The following CDH13 variants were observed in gnomAD, a reference collection of about 807,000 sequenced individuals.
CDH13 encodes the protein cadherin-13.
CDH13 carries 24 observed loss-of-function variants against 63.8 expected under a neutral mutation model. The observed-to-expected ratio is 0.38, with a 90% CI of 0.27 to 0.53. The LOEUF is 0.53. CDH13 is among the 20% of genes least tolerant of loss of function. The pLI, the probability that CDH13 is intolerant of heterozygous loss-of-function variation, is 0.85. For missense variants in CDH13, 1,049 were observed against 903.1 expected (o/e 1.16, Z -2.07); for synonymous variants, 503 against 355.3 (o/e 1.42, Z -4.67).
chr16:83,033,856 G>A (rs796151591), intron 3 of CDH13, among the ~76,000 whole-genome samples: 4 of 152,212 alleles, frequency 2.6e-5, no homozygotes, highest in African/African-American at 9.6e-5. Flanking sequence ...CCCCTGCTTG[G>A]CATGCCTAGC....
At chr16:83,009,622 TTC>T (rs1447775038) in intron 2 of CDH13, among the ~76,000 whole-genome samples, 4 of 152,224 alleles carry the variant, frequency 2.6e-5, no homozygotes, top group African/African-American at 9.6e-5. Flanking sequence ...AAAGCCAATA[TTC>T]TCTCTGCATA....
chr16:83,673,264 C>G (rs763698919), intron 9 of CDH13, among the ~76,000 whole-genome samples: 1 of 152,174 alleles, frequency 6.6e-6, no homozygotes, highest in Admixed American at 6.5e-5. Context: ...TACATACATT[C>G]GTTCATCGGA....
At chr16:82,994,395 A>AC (rs1352635887) in intron 2 of CDH13, among the ~76,000 whole-genome samples, 7 of 151,928 alleles carry the variant, frequency 4.6e-5, no homozygotes, top group Admixed American at 1.3e-4. Context: ...GGTGCCTGAG[A>AC]CCCCCTACCT....
chr16:83,380,253 G>C (rs2091538423), intron 6 of CDH13, among the ~76,000 whole-genome samples: 1 of 151,964 alleles, frequency 6.6e-6, no homozygotes, highest in African/African-American at 2.4e-5. Context: ...ATGTGACAAA[G>C]TGTTACCAGT....
intron 2 of CDH13, among the ~76,000 whole-genome samples, chr16:82,930,187 G>C (rs113242722): frequency 2.0e-5 from 3 of 151,936 alleles, no homozygotes; most frequent in African/African-American, 7.2e-5. Flanking sequence ...CAGTTGGCTA[G>C]GCTGGTCTCG....
chr16:83,373,952 TTACTCAACCACCACC>T (rs2091417584), intron 6 of CDH13, among the ~76,000 whole-genome samples: 1 of 152,158 alleles, frequency 6.6e-6, no homozygotes, highest in South Asian at 2.1e-4. Flanking sequence ...CATGCTGACC[TTACTCAACCACCACC>T]TTCTGATCTC....
At chr16:82,849,207 A>G (rs556618578) in intron 1 of CDH13, among the ~76,000 whole-genome samples, 2 of 152,290 alleles carry the variant, frequency 1.3e-5, no homozygotes, top group South Asian at 2.1e-4. Context: ...CTATAACATA[A>G]AAGTGTCAGG....
intron 7 of CDH13, among the ~76,000 whole-genome samples, chr16:83,560,472 T>A (rs1214089671): frequency 1.3e-5 from 2 of 152,188 alleles, no homozygotes; most frequent in South Asian, 2.1e-4. Flanking sequence ...TCTAAAATGG[T>A]CAAACTCATG....
In CDH13 at chr16:83,046,664, T is replaced by C. The variant is rs867548242; in HGVS notation, c.366+14446T>C. Among the ~76,000 whole-genome samples the C allele has an allele frequency of 3.9e-5, 6 of 152,138 alleles. 1 individual carries two copies. Among genetic ancestry groups the C allele is most frequent in the African/African-American group, 7.2e-5 (3 of 41,420 alleles). On this transcript the variant is annotated intron_variant, in intron 3 of 13. Coordinates refer to ENST00000567109, the MANE Select transcript of CDH13 (RefSeq NM_001257.5). ...GTGCTTCCCTAGGGGAAGGAGTAAC[T>C]ACAGATATTTGAGGGCTACTCAGAG...
rs533787514 is a variant in CDH13, at chr16:82,797,846, A to G, written c.46-60516A>G. On this transcript the variant is annotated intron_variant, in intron 1 of 13. Coordinates refer to ENST00000567109, the MANE Select transcript of CDH13 (RefSeq NM_001257.5). ...GTGTACATACTTTTCCCCCTGTAAT[A>G]GGATTTCTTTAGATCTGATGCTTAA... Among the ~76,000 whole-genome samples the G allele has an allele frequency of 2.0e-5, 3 of 151,392 alleles. No homozygotes were observed. The East Asian group carries it at 5.8e-4, about 29-fold the overall frequency.
chr16:83,285,069 G>GGT (rs1397265392), intron 5 of CDH13, among the ~76,000 whole-genome samples: 4 of 151,882 alleles, frequency 2.6e-5, no homozygotes, highest in African/African-American at 9.7e-5. Flanking sequence ...TTTCTCCTTG[G>GGT]GTTTTTGTTT....
At chr16:83,287,297 T>G (rs1483198087) in intron 5 of CDH13, among the ~76,000 whole-genome samples, 1 of 152,148 alleles carries the variant, frequency 6.6e-6, no homozygotes, top group African/African-American at 2.4e-5. Flanking sequence ...TTTCATTCAG[T>G]AAGAGCGGGG....
chr16:82,819,708 C>G (rs532789274), intron 1 of CDH13, among the ~76,000 whole-genome samples: 1 of 152,334 alleles, frequency 6.6e-6, no homozygotes, highest in East Asian at 1.9e-4. Flanking sequence ...CGTCCTTTCT[C>G]CTCCTTTCTT....
At chr16:83,522,834 C>A (rs2074872113) in intron 7 of CDH13, among the ~76,000 whole-genome samples, 1 of 152,222 alleles carries the variant, frequency 6.6e-6, no homozygotes, top group African/African-American at 2.4e-5. Context: ...GGTTCAATTC[C>A]CCTCCACCCC....
intron 3 of CDH13, among the ~76,000 whole-genome samples, chr16:83,113,866 C>T (rs1040733273): frequency 1.1e-4 from 17 of 152,272 alleles, no homozygotes; most frequent in Admixed American, 3.3e-4. Flanking sequence ...GAGTGGTCAT[C>T]GGGATCCAAG....
At chr16:83,523,527 C>A (rs1313573378) in intron 7 of CDH13, among the ~76,000 whole-genome samples, 1 of 152,170 alleles carries the variant, frequency 6.6e-6, no homozygotes, top group Non-Finnish European at 1.5e-5. Context: ...CCCTGCCAAC[C>A]AGTGCCCCCC....
At chr16:83,087,048 A>G (rs1485843045) in intron 3 of CDH13, among the ~76,000 whole-genome samples, 1 of 152,234 alleles carries the variant, frequency 6.6e-6, no homozygotes, top group Non-Finnish European at 1.5e-5. Context: ...AAGAAAATCC[A>G]CAAGTCAGCA....
chr16:83,593,932 T>C (rs1182834266), intron 7 of CDH13, among the ~76,000 whole-genome samples: 1 of 152,126 alleles, frequency 6.6e-6, no homozygotes, highest in Non-Finnish European at 1.5e-5. Context: ...GCATGAAAAA[T>C]TGTCTCAAAA....
At chr16:82,950,162 C>A (rs544240682) in intron 2 of CDH13, among the ~76,000 whole-genome samples, 12 of 152,246 alleles carry the variant, frequency 7.9e-5, no homozygotes, top group Admixed American at 1.3e-4. Flanking sequence ...GGGCTGGTTT[C>A]TTCTGAGGGC....
Sources: allele counts gnomAD v4.1 joint callset (sites outside exome capture counted in the v4.1 genomes callset), GRCh38; gene constraint gnomAD v4.1.1; transcripts MANE v1.5; gene names NCBI Gene and HGNC (gene_info 2026-07-23, HGNC 2026-07-21).